KCND3: variants seen among roughly 807,000 people sequenced by gnomAD.
KCND3 encodes A-type voltage-gated potassium channel KCND3.
A neutral mutation model predicts 51.1 loss-of-function variants in KCND3; 9 were observed. The ratio of observed to expected loss-of-function variants is 0.18; its 90% CI spans 0.11 to 0.31. The LOEUF (loss-of-function observed/expected upper bound fraction) is 0.31, where lower values mean the gene tolerates loss of function less well. KCND3 is among the 10% of genes least tolerant of loss of function. The probability of loss-of-function intolerance (pLI) is 1.00; values close to 1 mark genes in which losing one functional copy is unlikely to be tolerated. For synonymous variants in KCND3, 349 were observed against 368.0 expected (o/e 0.95, Z 0.59); for missense variants, 526 against 903.8 (o/e 0.58, Z 5.36).
At chr1:111,955,022 C>A (rs923732072) in intron 2 of KCND3, among the ~76,000 whole-genome samples, 3 of 152,134 alleles carry the variant, frequency 2.0e-5, no homozygotes, top group African/African-American at 7.2e-5. Flanking sequence ...ATTTGAATAC[C>A]TTTGAGTTTC....
chr1:111,866,274 T>A lies in KCND3; in HGVS notation c.1107-79168A>T, dbSNP rs867880611. On this transcript the variant is annotated intron_variant, in intron 2 of 7. Transcript: ENST00000302127. The stretch of plus-strand genomic sequence containing the variant: ...CTTTCTTTTCTTTTCTTTTTTTTTT[T>A]TTTTTTGACAAGGTCTGGCTCTGTT... 2.1e-3 allele frequency among the ~76,000 whole-genome samples: 318 copies of A among 148,456 alleles called. 2 individuals are homozygous for A. Among genetic ancestry groups the A allele is most frequent in the African/African-American group, 4.3e-3 (170 of 39,986 alleles).
intron 2 of KCND3, among the ~76,000 whole-genome samples, chr1:111,939,268 C>T (rs367677165): frequency 1.3e-5 from 2 of 152,238 alleles, no homozygotes; most frequent in Admixed American, 6.5e-5. Context: ...TTGGGATACA[C>T]GTGCAGAACG....
chr1:111,829,995 G>A (rs888885805), intron 2 of KCND3, among the ~76,000 whole-genome samples: 6 of 152,020 alleles, frequency 3.9e-5, no homozygotes, highest in African/African-American at 7.3e-5. Context: ...TCGACTCTTC[G>A]GTGGCTATTG....
intron 2 of KCND3, among the ~76,000 whole-genome samples, chr1:111,969,573 C>T (rs6701708): frequency 0.25 from 38,579 of 152,080 alleles, 5,321 homozygotes; most frequent in Non-Finnish European, 0.3. Context: ...ATACTGCTCT[C>T]ATATGGTTAT....
intron 2 of KCND3, among the ~76,000 whole-genome samples, chr1:111,928,496 G>A (rs1458543441): frequency 6.6e-6 from 1 of 152,214 alleles, no homozygotes; most frequent in Non-Finnish European, 1.5e-5. Context: ...CCTGGCTGTG[G>A]AGCCCACTCC....
chr1:111,903,763 TC>T (rs1670504759), intron 2 of KCND3, among the ~76,000 whole-genome samples: 1 of 152,196 alleles, frequency 6.6e-6, no homozygotes, highest in South Asian at 2.1e-4. Context: ...CATGGGCTGC[TC>T]CTCCCTGCCT....
At chr1:111,961,992 G>T (rs1249608921) in intron 2 of KCND3, among the ~76,000 whole-genome samples, 1 of 152,080 alleles carries the variant, frequency 6.6e-6, no homozygotes, top group African/African-American at 2.4e-5. Flanking sequence ...GGTATTCCTG[G>T]GTGAGCCAAG....
At chr1:111,830,704 T>A (rs1384807906) in intron 2 of KCND3, among the ~76,000 whole-genome samples, 1 of 152,244 alleles carries the variant, frequency 6.6e-6, no homozygotes, top group Non-Finnish European at 1.5e-5. Flanking sequence ...TCTAATTCAT[T>A]AAAGAGATTT....
In KCND3 at chr1:111,981,792, T is replaced by C; in HGVS notation, c.935A>G (p.Tyr312Cys). 1 of 1,614,066 alleles carries C rather than the reference T, an allele frequency of 6.2e-7. No individual in the cohort carries two copies. The highest frequency in any genetic ancestry group is 8.5e-7 in the Non-Finnish European group (1 of 1,179,996). ...RHSQGLRILG[Y>C]TLKSCASELG... ...TTCGGAGGCACAGCTCTTCAGTGTG[T>C]AGCCCAGGATCCGCAGGCCCTGGGA... The change falls in exon 2 of 8, where the codon TAC becomes TGC. Residue 312 changes from tyrosine (Y) to cysteine (C), a missense_variant. Tyr to Cys is a radical substitution (Grantham distance 194). Transcript: ENST00000302127. The surrounding 1 kb of genome is among the most constrained non-coding windows in gnomAD (Gnocchi z 6.2).
intron 2 of KCND3, among the ~76,000 whole-genome samples, chr1:111,943,403 A>G (rs1470888950): frequency 6.6e-6 from 1 of 152,186 alleles, no homozygotes; most frequent in Non-Finnish European, 1.5e-5. Flanking sequence ...ACTGGACTAG[A>G]GGCAGTTCAA....
chr1:111,926,012 T>A lies in KCND3; in HGVS notation c.1106+55609A>T, dbSNP rs142787799. On this transcript the variant is annotated intron_variant, in intron 2 of 7. Coordinates refer to ENST00000302127, the MANE Select transcript of KCND3 (RefSeq NM_001378969.1). ...TCCATTTATATGCCTAGCTTACCAT[T>A]TATTCCTAATTATTGTGCAGTTCAG... is the stretch of plus-strand genomic sequence containing the variant. Among the ~76,000 whole-genome samples the A allele has an allele frequency of 3.2e-3, 482 of 152,320 alleles. 2 individuals are homozygous for A. The highest frequency in any genetic ancestry group is 4.5e-3 in the Non-Finnish European group (305 of 68,036).
chr1:111,853,559 G>C (rs186215082), intron 2 of KCND3, among the ~76,000 whole-genome samples: 1 of 152,072 alleles, frequency 6.6e-6, no homozygotes, highest in Non-Finnish European at 1.5e-5. Context: ...AGCCCACCCC[G>C]GCACTCCATA....
chr1:111,977,388 G>C (rs758107489), intron 2 of KCND3, among the ~76,000 whole-genome samples: 4 of 152,194 alleles, frequency 2.6e-5, no homozygotes, highest in African/African-American at 9.7e-5. Flanking sequence ...CCAGGATTAT[G>C]TTTTAAAGTG....
At chr1:111,869,242 G>A (rs529235951) in intron 2 of KCND3, among the ~76,000 whole-genome samples, 2 of 152,258 alleles carry the variant, frequency 1.3e-5, no homozygotes, top group South Asian at 4.2e-4. Context: ...ATGAGCTCAT[G>A]AGACAGGGCT....
intron 2 of KCND3, among the ~76,000 whole-genome samples, chr1:111,921,521 AG>A (rs1671474737): frequency 1.3e-5 from 2 of 152,352 alleles, no homozygotes; most frequent in South Asian, 4.1e-4. Context: ...TGTCTACCTC[AG>A]GCCTGAAAGG....
intron 2 of KCND3, among the ~76,000 whole-genome samples, chr1:111,823,587 C>T (rs776524509): frequency 1.3e-5 from 2 of 152,116 alleles, no homozygotes; most frequent in Non-Finnish European, 2.9e-5. Flanking sequence ...ATGGGAAAAG[C>T]AAAAGAAAAA....
In KCND3 at chr1:111,981,129, T is replaced by C. The variant is rs138631682; in HGVS notation, c.1106+492A>G. ...GAGAAAAGCATAACAAATGGGAAAA[T>C]GGCCTGCAAAATATACTACAAAGAA... On this transcript the variant is annotated intron_variant, in intron 2 of 7. Transcript: ENST00000302127. The surrounding 1 kb of genome is among the most constrained non-coding windows in gnomAD (Gnocchi z 6.2). Among the ~76,000 whole-genome samples the C allele has an allele frequency of 6.6e-5, 10 of 152,000 alleles. No individual in the cohort carries two copies. The highest frequency in any genetic ancestry group is 1.3e-4 in the Non-Finnish European group (9 of 67,974).
chr1:111,926,054 C>T (rs1375937602), intron 2 of KCND3, among the ~76,000 whole-genome samples: 2 of 152,168 alleles, frequency 1.3e-5, no homozygotes, highest in Admixed American at 1.3e-4. Flanking sequence ...TTATGCATAC[C>T]ATTAAGGATG....
At chr1:111,820,832 G>A (rs1029515973) in intron 2 of KCND3, among the ~76,000 whole-genome samples, 1 of 152,140 alleles carries the variant, frequency 6.6e-6, no homozygotes, top group African/African-American at 2.4e-5. Context: ...GACACAGGGG[G>A]GTGACGGCCA....
Sources: gnomAD v4.1 joint callset for allele counts (sites outside exome capture counted in the v4.1 genomes callset) on GRCh38, gnomAD v4.1.1 for gene constraint, Gnocchi (gnomAD v3.1) non-coding constraint, MANE v1.5 for transcripts, NCBI Gene and HGNC (gene_info 2026-07-23, HGNC 2026-07-21) for gene names.